KIDINS220: variants seen among roughly 807,000 people sequenced by gnomAD.
KIDINS220 encodes the protein kinase D interacting substrate 220.
KIDINS220 carries 63 observed loss-of-function variants against 157.6 expected under a neutral mutation model. The observed-to-expected ratio is 0.40, with a 90% CI of 0.33 to 0.49. The LOEUF is 0.49. KIDINS220 is among the 20% of genes least tolerant of loss of function. The probability of loss-of-function intolerance (pLI) is 0.66; values close to 1 mark genes in which losing one functional copy is unlikely to be tolerated. For missense variants in KIDINS220, 1,772 were observed against 2,171.2 expected (o/e 0.82, Z 3.65); for synonymous variants, 732 against 783.6 (o/e 0.93, Z 1.10).
At chr2:8,788,925 TC>T in intron 14 of KIDINS220, 113 bp from the exon 15 acceptor site, 2 of 846,748 alleles carry the variant, frequency 2.4e-6, no homozygotes, top group African/African-American at 1.7e-5. Flanking sequence ...CTTCCTATGG[TC>T]CCATACTATT....
chr2:8,835,586 G>A (rs577444324), intron 1 of KIDINS220, among the ~76,000 whole-genome samples: 1 of 151,330 alleles, frequency 6.6e-6, no homozygotes, highest in South Asian at 2.1e-4. Flanking sequence ...CCCCTAAGAG[G>A]AGGTCAGGGC....
At chr2:8,736,824 G>A (rs781746044) in intron 27 of KIDINS220, 44 bp downstream of exon 27, 27 of 1,606,548 alleles carry the variant, frequency 1.7e-5, no homozygotes, top group Middle Eastern at 1.7e-4. Context: ...CCTGTCTTCC[G>A]CCCCCAGCGC....
intron 1 of KIDINS220, among the ~76,000 whole-genome samples, chr2:8,834,807 TTATGTATGTA>T (rs1485309039): frequency 6.6e-6 from 1 of 152,112 alleles, no homozygotes; most frequent in Non-Finnish European, 1.5e-5. Context: ...ATAAACTAAC[TTATGTATGTA>T]TATGTATGTA....
rs1200581802 is a variant in KIDINS220 at position 8,731,851 on chromosome 2, G to A, written c.4185C>T (p.Ser1395=). The A allele has an allele frequency of 2.5e-6, 4 of 1,613,920 alleles. No individual in the cohort carries two copies. The South Asian group carries it at 3.3e-5, about 13-fold the overall frequency. ...TAGACCCGGGGCCCCCTTCTAACTG[G>A]GACATCTGAGCAATGTATTCTCTAT... ...DAYREYIAQM[S]QLEGGPGSTT... Residue 1395 remains serine, a synonymous_variant, in exon 30 of 30, where the codon TCC becomes TCT. Coordinates refer to ENST00000256707, the MANE Select transcript of KIDINS220 (RefSeq NM_020738.4). The surrounding 1 kb of genome is among the most constrained non-coding windows in gnomAD (Gnocchi z 5.2).
intron 2 of KIDINS220, among the ~76,000 whole-genome samples, chr2:8,821,982 T>C (rs1678032018): frequency 1.3e-5 from 2 of 152,198 alleles, no homozygotes; most frequent in African/African-American, 2.4e-5. Flanking sequence ...ATTCCATGCC[T>C]ATCTCCTTCT....
chr2:8,752,366 TG>T (rs954461461), intron 22 of KIDINS220, among the ~76,000 whole-genome samples: 42 of 152,062 alleles, frequency 2.8e-4, no homozygotes, highest in African/African-American at 9.9e-4. Flanking sequence ...AAAAGTAGTA[TG>T]GTTACAAAAA....
Position 8,729,554 on chromosome 2 carries a change from A to C in KIDINS220, c.*1166T>G. On this transcript the variant is annotated 3_prime_UTR_variant, in exon 30 of 30. Transcript: ENST00000256707. ...TTAACTCGGCTAATAATTAATGGAA[A>C]GTACACTTTTACAGTCACAGCACTT... 1 of 980,540 alleles carries C rather than the reference A, an allele frequency of 1.0e-6. No individual in the cohort carries two copies. The highest frequency in any genetic ancestry group is 4.7e-5 in the South Asian group (1 of 21,198). The allele number at this position is 980,540 out of a possible 1,614,324, so 60.7% of individuals were successfully genotyped here.
intron 21 of KIDINS220, among the ~76,000 whole-genome samples, chr2:8,772,187 G>C (rs1670325747): frequency 6.6e-6 from 1 of 152,042 alleles, no homozygotes; most frequent in Non-Finnish European, 1.5e-5. Context: ...AAAAGTATGA[G>C]TGAATAGGCC....
In KIDINS220 at chr2:8,796,847, T is replaced by G; in HGVS notation, c.1022A>C (p.Lys341Thr). 1 of 1,614,126 alleles carries G rather than the reference T, an allele frequency of 6.2e-7. No homozygotes were observed. Among genetic ancestry groups the G allele is most frequent in the Non-Finnish European group, 8.5e-7 (1 of 1,179,948 alleles). The change falls in exon 11 of 30, where the codon AAG (lysine) becomes ACG (threonine). Residue 341 changes from lysine (K) to threonine (T), a missense_variant. Around this residue, in one of 3 missense-constraint regions of KIDINS220, gnomAD observed 725 missense variants for 1,017.1 expected, o/e 0.71. Transcript: ENST00000256707. ...TTCAATGTTTCTCATCTTGGTAGCC[T>G]TTATAAGTGGCGTTTCACCATCCTG... The part of the protein sequence containing the change: ...CTKDGETPLI[K>T]ATKMRNIEVV...
chr2:8,772,643 T>C (rs1489204553), intron 21 of KIDINS220, among the ~76,000 whole-genome samples: 2 of 152,114 alleles, frequency 1.3e-5, no homozygotes, highest in Non-Finnish European at 2.9e-5. Context: ...ACAACGAATA[T>C]GTCTAAGATA....
rs1239595061 is a variant in KIDINS220 at position 8,765,156 on chromosome 2, T to A, written c.3011+5514A>T. Among the ~76,000 whole-genome samples the A allele has an allele frequency of 3.3e-5, 5 of 152,192 alleles. No individual in the cohort carries two copies. In the East Asian group the frequency reaches 9.6e-4, roughly 29 times the overall value. ...GAGGGAGAAGGAGCCGGAGCCAGGC[T>A]GAGGACACTGCGAACTCCAGCAGAA... is the stretch of plus-strand genomic sequence containing the variant. On this transcript the variant is annotated intron_variant, in intron 22 of 29. Transcript: ENST00000256707.
chr2:8,799,191 C>T (rs1031021365), intron 9 of KIDINS220, among the ~76,000 whole-genome samples: 8 of 151,992 alleles, frequency 5.3e-5, no homozygotes, highest in Non-Finnish European at 8.8e-5. Context: ...CTATGAAATG[C>T]GGTCTTTCAC....
In KIDINS220 at chr2:8,788,699, A is replaced by T. The variant is rs558955121; in HGVS notation, c.1735T>A (p.Phe579Ile). The change falls in exon 15 of 30, where the codon TTT becomes ATT. Residue 579 changes from phenylalanine (F) to isoleucine (I), a missense_variant. Phe to Ile is a conservative substitution (Grantham distance 21). Coordinates refer to ENST00000256707, the MANE Select transcript of KIDINS220 (RefSeq NM_020738.4). ...GYLELLLKLM[F>I]VNPPELPEQT... Reference sequence around the variant, plus strand: ...TCTGGCAACTCAGGTGGATTCACAAACATCAATTTAAGGAGGAGTTCCAAA... The same window carrying T: ...TCTGGCAACTCAGGTGGATTCACAATCATCAATTTAAGGAGGAGTTCCAAA... 1.2e-6 allele frequency: 2 copies of T among 1,614,224 alleles called. No individual in the cohort carries two copies. The highest frequency in any genetic ancestry group is 2.7e-5 in the African/African-American group (2 of 75,070).
intron 22 of KIDINS220, among the ~76,000 whole-genome samples, chr2:8,759,401 T>A (rs949901349): frequency 2.0e-5 from 3 of 151,574 alleles, no homozygotes; most frequent in Non-Finnish European, 2.9e-5. Flanking sequence ...ACCGAGGGTG[T>A]ATATCTCCAA....
Position 8,778,693 on chromosome 2 carries a change from C to T in KIDINS220, c.2649G>A (p.Gln883=). 1 of 1,614,116 alleles carries T rather than the reference C, an allele frequency of 6.2e-7. No homozygotes were observed. Among genetic ancestry groups the T allele is most frequent in the South Asian group, 1.1e-5 (1 of 91,084 alleles). The part of the protein sequence containing the change: ...IQEDADRRVS[Q]NSLGEMTKLG... ...GTTTTGTCATCTCCCCAAGGCTGTT[C>T]TGTGAAACTCTTCTGTCAGCATCTT... Residue 883 remains glutamine (Q), a synonymous_variant, in exon 20 of 30, where the codon CAG becomes CAA. Coordinates refer to ENST00000256707, the MANE Select transcript of KIDINS220 (RefSeq NM_020738.4).
At chr2:8,754,849 G>A (rs1404590221) in intron 22 of KIDINS220, among the ~76,000 whole-genome samples, 3 of 152,120 alleles carry the variant, frequency 2.0e-5, no homozygotes, top group Non-Finnish European at 4.4e-5. Flanking sequence ...AAAAGTAGCT[G>A]CCTAATAATG....
intron 9 of KIDINS220, 128 bp downstream of exon 9, chr2:8,800,272 C>T (rs1469232661): frequency 1.1e-5 from 6 of 548,192 alleles, no homozygotes; most frequent in South Asian, 3.4e-5. Flanking sequence ...TAATAATATA[C>T]GTCTGTTAAA....
intron 5 of KIDINS220, 25 bp from the exon 6 acceptor site, chr2:8,812,518 G>T: frequency 7.3e-7 from 1 of 1,371,142 alleles, no homozygotes. Flanking sequence ...TGGTTGGTAG[G>T]TAGGTAGATA....
At chr2:8,753,720 A>G (rs907479246) in intron 22 of KIDINS220, among the ~76,000 whole-genome samples, 2 of 152,250 alleles carry the variant, frequency 1.3e-5, no homozygotes, top group African/African-American at 4.8e-5. Flanking sequence ...TGTTAGTAAC[A>G]GTTATATCAT....
Sources: allele counts gnomAD v4.1 joint callset (sites outside exome capture counted in the v4.1 genomes callset), GRCh38; gene constraint gnomAD v4.1.1; regional missense constraint gnomAD v4.1.1; non-coding constraint Gnocchi (gnomAD v3.1); transcripts MANE v1.5; gene names NCBI Gene and HGNC (gene_info 2026-07-23, HGNC 2026-07-21).